Variants in CRB1 observed in about 807,000 individuals in gnomAD.
CRB1 encodes the protein crumbs cell polarity complex component 1, also known as protein crumbs homolog 1.
Under a neutral mutation model 120.0 loss-of-function variants are expected in CRB1, and 83 were observed. That is an observed-to-expected ratio of 0.69 (90% confidence interval 0.58 to 0.83). The LOEUF is 0.83. Ranked by LOEUF, CRB1 falls within the 40% of genes least tolerant of loss-of-function variation. The pLI, the probability that CRB1 is intolerant of heterozygous loss-of-function variation, is 0.00. For synonymous variants in CRB1, 625 were observed against 612.5 expected, an observed-to-expected ratio of 1.02 and a Z score of -0.30; for missense variants, 1,699 against 1,687.6, an observed-to-expected ratio of 1.01 and a Z score of -0.12.
intron 6 of CRB1, among the ~76,000 whole-genome samples, chr1:197,425,837 T>A (rs1664553967): frequency 6.6e-6 from 1 of 152,054 alleles, no homozygotes; most frequent in South Asian, 2.1e-4. Flanking sequence ...CTCTTGGTGA[T>A]CTCATCCAGT....
intron 1 of CRB1, among the ~76,000 whole-genome samples, chr1:197,325,014 A>T (rs1429177162): frequency 6.6e-6 from 1 of 152,192 alleles, no homozygotes; most frequent in African/African-American, 2.4e-5. Flanking sequence ...AAGTGATTTA[A>T]CCAATCATTT....
At position 197,435,059 on chromosome 1, in the gene CRB1, A is replaced by G. The variant is rs774652559; in HGVS notation, c.3196A>G (p.Ile1066Val). ...CGAAACACCTTTTGTGACCAGCACAATTGCTACTGGAAGCCTCAACTTTTT... is the reference window on the plus strand; with the variant it reads ...CGAAACACCTTTTGTGACCAGCACAGTTGCTACTGGAAGCCTCAACTTTTT... Reference protein sequence around the residue: ...DNETPFVTSTIATGSLNFLKD... With the variant: ...DNETPFVTSTVATGSLNFLKD... The change falls in exon 9 of 12, where the codon ATT becomes GTT. Residue 1066 changes from isoleucine to valine, a missense_variant. Ile to Val is a conservative substitution (Grantham distance 29). Transcript: ENST00000367400. The G allele has an allele frequency of 1.3e-5, 21 of 1,613,968 alleles. No individual in the cohort carries two copies. The highest frequency in any genetic ancestry group is 1.8e-5 in the Non-Finnish European group (21 of 1,179,906).
At position 197,442,189 on chromosome 1, in the gene CRB1, G is replaced by T; in HGVS notation, c.3902G>T (p.Cys1301Phe). The T allele has an allele frequency of 6.2e-7, 1 of 1,614,150 alleles. No homozygotes were observed. Among genetic ancestry groups the T allele is most frequent in the South Asian group, 1.1e-5 (1 of 91,076 alleles). ...GEWCEKDIDE[C>F]ASDPCVNGGL... is the part of the protein sequence containing the mutation. ...AGGTGTGAAAAGGACATTGATGAGT[G>T]TGCCTCTGATCCGTGTGTCAATGGA... The change falls in exon 11 of 12, where the codon TGT becomes TTT. Residue 1301 changes from cysteine to phenylalanine, a missense_variant. By Grantham distance (205) the Cys-to-Phe change is radical. Coordinates refer to ENST00000367400, the MANE Select transcript of CRB1 (RefSeq NM_201253.3).
the CRB1 span, among the ~76,000 whole-genome samples, chr1:197,211,820 A>G: frequency 2.6e-5 from 4 of 152,192 alleles, no homozygotes; most frequent in South Asian, 8.3e-4. Context: ...TTTTTTTTCA[A>G]AAGACAATGT....
At chr1:197,323,430 C>T (rs1658316346) in intron 1 of CRB1, among the ~76,000 whole-genome samples, 1 of 152,088 alleles carries the variant, frequency 6.6e-6, no homozygotes, top group Admixed American at 6.5e-5. Context: ...TTGTTCAGAA[C>T]ACTTTTAGCT....
At chr1:197,287,844 T>G (rs1453666647) in intron 1 of CRB1, among the ~76,000 whole-genome samples, 1 of 151,588 alleles carries the variant, frequency 6.6e-6, no homozygotes, top group Non-Finnish European at 1.5e-5. Flanking sequence ...CAAGATGGAG[T>G]AGGTGGGACT....
rs141103073 is a variant in CRB1, at chr1:197,427,731, A to T, written c.2406A>T (p.Pro802=). The T allele has an allele frequency of 3.7e-6, 6 of 1,614,004 alleles. No homozygotes were observed. The highest frequency in any genetic ancestry group is 5.1e-6 in the Non-Finnish European group (6 of 1,179,960). ...NVHLISLKIK[P]YKIELYQSSQ... The stretch of plus-strand genomic sequence containing the variant: ...ACTTGATATCTTTGAAAATCAAGCC[A>T]TATAAAATTGAACTGTATCAGTCTT... Residue 802 remains proline, a synonymous_variant, in exon 7 of 12, where the codon CCA becomes CCT. Transcript: ENST00000367400.
chr1:197,451,284 A>G (rs1665959855), intron 11 of CRB1, among the ~76,000 whole-genome samples: 2 of 152,224 alleles, frequency 1.3e-5, no homozygotes, highest in African/African-American at 4.8e-5. Flanking sequence ...AGATTATGGC[A>G]TAGATTACTC....
At chr1:197,448,839 T>C (rs894798082) in intron 11 of CRB1, among the ~76,000 whole-genome samples, 1 of 152,250 alleles carries the variant, frequency 6.6e-6, no homozygotes, top group Non-Finnish European at 1.5e-5. Flanking sequence ...AATAATAAAC[T>C]GCTCAAGGCC....
chr1:197,460,450 T>C (rs1025019565), intron 11 of CRB1, among the ~76,000 whole-genome samples: 3 of 151,996 alleles, frequency 2.0e-5, no homozygotes, highest in Non-Finnish European at 4.4e-5. Flanking sequence ...GAGTTAACAG[T>C]CTAGTGCACA....
At chr1:197,265,374 C>G (rs1266749344), upstream of CRB1, among the ~76,000 whole-genome samples, 1 of 139,506 alleles carries the variant, frequency 7.2e-6, no homozygotes, top group South Asian at 2.3e-4. Context: ...TCCTTTTGTC[C>G]TCCCTTCCTT....
chr1:197,451,790 T>C (rs1665987692), intron 11 of CRB1, among the ~76,000 whole-genome samples: 1 of 152,226 alleles, frequency 6.6e-6, no homozygotes, highest in Non-Finnish European at 1.5e-5. Context: ...CTTCTTAATG[T>C]CATATGGTAA....
In CRB1 at chr1:197,429,905, A is replaced by T. The variant is rs747058841; in HGVS notation, c.2842+291A>T. On this transcript the variant is annotated intron_variant, in intron 8 of 11. Transcript: ENST00000367400. ...GGCAATATTTGAATTTCCTTCCCTCATTACTGGGAACACAGAATAAATATG... is the reference window on the plus strand; with the variant it reads ...GGCAATATTTGAATTTCCTTCCCTCTTTACTGGGAACACAGAATAAATATG... Among the ~76,000 whole-genome samples, 15 of 152,140 alleles carry T rather than the reference A, an allele frequency of 9.9e-5. No individual in the cohort carries two copies. In the South Asian group the frequency reaches 2.1e-3, roughly 21 times the overall value.
the CRB1 span, among the ~76,000 whole-genome samples, chr1:197,219,130 G>A: frequency 6.6e-6 from 1 of 152,304 alleles, no homozygotes; most frequent in East Asian, 1.9e-4. Context: ...TAAGACATGA[G>A]TATGACAAAA....
chr1:197,293,209 C>A (rs1428541975), intron 1 of CRB1, among the ~76,000 whole-genome samples: 1 of 152,112 alleles, frequency 6.6e-6, no homozygotes, highest in African/African-American at 2.4e-5. Context: ...GAAACTTCAG[C>A]AAATTCTCAG....
intron 1 of CRB1, among the ~76,000 whole-genome samples, chr1:197,315,476 A>T (rs985392100): frequency 1.3e-5 from 2 of 152,256 alleles, no homozygotes; most frequent in Non-Finnish European, 2.9e-5. Context: ...CCTGCATAAA[A>T]CTAAAATAAA....
At position 197,438,574 on chromosome 1, in the gene CRB1, T is replaced by C; in HGVS notation, c.3777T>C (p.Cys1259=). ...CRQSRLPSTV[C]GNEKTNLTCY... ...AGAGCAGATTACCCTCAACAGTCTG[T>C]GGGAATGAGAAGACAAATCTCACTT... The change falls in exon 10 of 12, where the codon TGT becomes TGC. Residue 1259 remains cysteine, a synonymous_variant. Coordinates refer to ENST00000367400, the MANE Select transcript of CRB1 (RefSeq NM_201253.3). 1 of 1,612,722 alleles carries C rather than the reference T, an allele frequency of 6.2e-7. No individual in the cohort carries two copies. The highest frequency in any genetic ancestry group is 8.5e-7 in the Non-Finnish European group (1 of 1,178,964).
chr1:197,314,699 A>G (rs936644323), intron 1 of CRB1, among the ~76,000 whole-genome samples: 1 of 152,138 alleles, frequency 6.6e-6, no homozygotes. Flanking sequence ...TTTTGAATGT[A>G]TGGCATCTTT....
chr1:197,418,137 A>G (rs935346708), intron 5 of CRB1, among the ~76,000 whole-genome samples: 6 of 152,246 alleles, frequency 3.9e-5, no homozygotes, highest in Admixed American at 6.5e-5. Flanking sequence ...GTTATGCCAT[A>G]TCAGTTGTTC....
Sources: gnomAD v4.1 joint callset for allele counts (sites outside exome capture counted in the v4.1 genomes callset) on GRCh38, gnomAD v4.1.1 for gene constraint, MANE v1.5 for transcripts, NCBI Gene and HGNC (gene_info 2026-07-23, HGNC 2026-07-21) for gene names.